NME8: variants seen among roughly 807,000 people sequenced by gnomAD.
The protein encoded by NME8 is protein NME8.
A neutral mutation model predicts 82.3 loss-of-function variants in NME8; 72 were observed. The observed-to-expected ratio is 0.87, with a 90% CI of 0.72 to 1.06. NME8 has a LOEUF of 1.06. Among genes scored for constraint, NME8 ranks in the 50% least tolerant of loss-of-function variants. The pLI is 0.00. For missense variants in NME8, 712 were observed against 685.4 expected (o/e 1.04, Z -0.43); for synonymous variants, 267 against 228.5 (o/e 1.17, Z -1.52).
intron 17 of NME8, among the ~76,000 whole-genome samples, chr7:37,897,347 C>T (rs1785245315): frequency 6.6e-6 from 1 of 152,026 alleles, no homozygotes; most frequent in African/African-American, 2.4e-5. Flanking sequence ...TGCATCCAGG[C>T]TGGAGGGATG....
In NME8 at chr7:37,896,856, A is replaced by G; in HGVS notation, c.1545-14A>G. Reference sequence around the variant, plus strand: ...TCAGTAGGCTGGGTCTTCTGAAAGCACCGTTCTTTGCAGGGGTCCATCTAT... The same window carrying G: ...TCAGTAGGCTGGGTCTTCTGAAAGCGCCGTTCTTTGCAGGGGTCCATCTAT... On this transcript the variant is annotated splice_polypyrimidine_tract_variant and intron_variant, in intron 16 of 17. Transcript: ENST00000199447. 1.9e-6 allele frequency: 3 copies of G among 1,610,750 alleles called. No homozygotes were observed. The highest frequency in any genetic ancestry group is 2.5e-6 in the Non-Finnish European group (3 of 1,177,034).
chr7:37,898,400 C>G (rs1562844882), intron 17 of NME8, among the ~76,000 whole-genome samples: 1 of 152,102 alleles, frequency 6.6e-6, no homozygotes, highest in Non-Finnish European at 1.5e-5. Flanking sequence ...AAAACAGGGA[C>G]TCAAACATAT....
At position 37,865,618 on chromosome 7, in the gene NME8, G is replaced by A; in HGVS notation, c.621+1G>A. On this transcript the variant is annotated splice_donor_variant, in intron 10 of 17. Transcript: ENST00000199447. LOFTEE classifies it high-confidence loss of function. ...CTTCTATAGTCGAATAGCAGACCAG[G>A]TATGAAAGTTAAAAAGAAAAAATCC... 6.2e-7 allele frequency: 1 copy of A among 1,602,442 alleles called. No individual in the cohort carries two copies.
At chr7:37,893,727 T>C (rs1583646143) in intron 15 of NME8, among the ~76,000 whole-genome samples, 1 of 152,192 alleles carries the variant, frequency 6.6e-6, no homozygotes, top group Non-Finnish European at 1.5e-5. Context: ...CACTTTCTCA[T>C]GATATCTTTA....
At chr7:37,858,045 A>C (rs1430536966) in intron 6 of NME8, among the ~76,000 whole-genome samples, 1 of 152,088 alleles carries the variant, frequency 6.6e-6, no homozygotes, top group South Asian at 2.1e-4. Context: ...TTCAAAAATA[A>C]GTAATAATAA....
chr7:37,871,242 A>G (rs1310671926), intron 11 of NME8, among the ~76,000 whole-genome samples: 1 of 152,144 alleles, frequency 6.6e-6, no homozygotes, highest in East Asian at 1.9e-4. Context: ...TGCTGTGGGG[A>G]AACTCTCTCC....
At chr7:37,896,707 G>A in intron 16 of NME8, 163 bp from the exon 17 acceptor site, 1 of 652,340 alleles carries the variant, frequency 1.5e-6, no homozygotes, top group East Asian at 2.6e-5. Flanking sequence ...AAACCTATTA[G>A]AAGAGGGAGA....
intron 12 of NME8, among the ~76,000 whole-genome samples, chr7:37,882,596 A>G (rs1336289557): frequency 2.0e-5 from 1 of 49,806 alleles, no homozygotes; most frequent in Non-Finnish European, 4.0e-5. Flanking sequence ...AGAAAGAAAG[A>G]AAGAGAGAGA....
chr7:37,860,710 C>T (rs1784586378), intron 6 of NME8, among the ~76,000 whole-genome samples: 1 of 152,174 alleles, frequency 6.6e-6, no homozygotes, highest in Non-Finnish European at 1.5e-5. Flanking sequence ...CTATGCTTTC[C>T]ACTCGCAGCA....
intron 12 of NME8, among the ~76,000 whole-genome samples, chr7:37,879,399 G>A (rs190652240): frequency 7.2e-5 from 11 of 152,082 alleles, no homozygotes; most frequent in Admixed American, 4.6e-4. Context: ...CACCTGCCTC[G>A]CCTCCCAAAG....
chr7:37,859,443 C>T (rs564660943), intron 6 of NME8, among the ~76,000 whole-genome samples: 50 of 152,180 alleles, frequency 3.3e-4, no homozygotes, highest in Admixed American at 7.2e-4. Context: ...GCTTTTGTCT[C>T]GCTTCCTTGG....
chr7:37,883,411 A>G (rs1448101034), intron 12 of NME8, among the ~76,000 whole-genome samples: 1 of 152,170 alleles, frequency 6.6e-6, no homozygotes, highest in Non-Finnish European at 1.5e-5. Context: ...TCTGAAGCAA[A>G]TTATTTCTTA....
chr7:37,884,589 C>A, intron 13 of NME8, 142 bp downstream of exon 13: 1 of 672,156 alleles, frequency 1.5e-6, no homozygotes. Flanking sequence ...AGTCCTGCTC[C>A]CATCCCAATC....
At position 37,884,095 on chromosome 7, in the gene NME8, C is replaced by T. The variant is rs533063078; in HGVS notation, c.995-208C>T. On this transcript the variant is annotated intron_variant, in intron 12 of 17. Transcript: ENST00000199447. ...TGTGTGTGCATGCATGATTCCTATA[C>T]GATGAAAAATTGGAAATAGCATCAT... Among the ~76,000 whole-genome samples the T allele has an allele frequency of 5.3e-5, 8 of 151,948 alleles. No individual in the cohort carries two copies. The South Asian group carries it at 6.2e-4, about 12-fold the overall frequency.
intron 17 of NME8, among the ~76,000 whole-genome samples, chr7:37,899,008 G>A (rs10256195): frequency 0.14 from 21,624 of 152,126 alleles, 1,725 homozygotes; most frequent in Middle Eastern, 0.24. Flanking sequence ...ACAAAATTAA[G>A]TTAGTGTTAC....
chr7:37,879,792 T>C (rs1784914533), intron 12 of NME8, among the ~76,000 whole-genome samples: 1 of 152,238 alleles, frequency 6.6e-6, no homozygotes, highest in South Asian at 2.1e-4. Flanking sequence ...CCAAAGCACC[T>C]GTACCACTTT....
intron 11 of NME8, among the ~76,000 whole-genome samples, chr7:37,874,692 G>C (rs2131957997): frequency 6.6e-6 from 1 of 152,182 alleles, no homozygotes; most frequent in East Asian, 1.9e-4. Flanking sequence ...ATGGCTATTA[G>C]GCTAACTATG....
At chr7:37,878,107 G>T (rs1177299384) in intron 12 of NME8, among the ~76,000 whole-genome samples, 1 of 152,152 alleles carries the variant, frequency 6.6e-6, no homozygotes, top group Non-Finnish European at 1.5e-5. Flanking sequence ...TGTTAGCTGT[G>T]TATGTCCTTT....
intron 5 of NME8, among the ~76,000 whole-genome samples, chr7:37,855,555 A>G (rs1901194): frequency 0.24 from 36,648 of 152,064 alleles, 4,423 homozygotes; most frequent in Middle Eastern, 0.27. Context: ...CTGCATTAAA[A>G]ACCTGTTCAG....
Sources: allele counts gnomAD v4.1 joint callset (sites outside exome capture counted in the v4.1 genomes callset), GRCh38; gene constraint gnomAD v4.1.1; transcripts MANE v1.5; gene names NCBI Gene and HGNC (gene_info 2026-07-23, HGNC 2026-07-21).